Variants in TRPC6 observed in about 807,000 individuals in gnomAD.
The protein encoded by TRPC6 is transient receptor potential cation channel subfamily C member 6.
Under a neutral mutation model 90.7 loss-of-function variants are expected in TRPC6, and 55 were observed. That is an observed-to-expected ratio of 0.61 (90% CI 0.49 to 0.76). The LOEUF is 0.76. Ranked by LOEUF, TRPC6 falls within the 30% of genes least tolerant of loss-of-function variation. TRPC6 has a pLI of 0.00. For synonymous variants in TRPC6, 393 were observed against 393.0 expected, an observed-to-expected ratio of 1.00 and a Z score of 0.00; for missense variants, 989 against 1,122.7, an observed-to-expected ratio of 0.88 and a Z score of 1.70.
At chr11:101,529,432 G>A (rs541937294) in intron 1 of TRPC6, among the ~76,000 whole-genome samples, 3 of 152,318 alleles carry the variant, frequency 2.0e-5, no homozygotes, top group South Asian at 4.1e-4. Context: ...ATAAAAGCAC[G>A]AGCGTGCACT....
At chr11:101,580,489 T>C (rs1862170769) in intron 1 of TRPC6, among the ~76,000 whole-genome samples, 2 of 152,162 alleles carry the variant, frequency 1.3e-5, no homozygotes, top group Admixed American at 6.5e-5. Flanking sequence ...TATTTAACTA[T>C]TAAGGCCTTA....
chr11:101,466,768 C>G (rs1859155436), intron 10 of TRPC6, among the ~76,000 whole-genome samples: 1 of 152,050 alleles, frequency 6.6e-6, no homozygotes, highest in African/African-American at 2.4e-5. Context: ...AAAAAACAAA[C>G]AAACAAAAAA....
chr11:101,490,399 T>C (rs1006808086), intron 3 of TRPC6, among the ~76,000 whole-genome samples: 2 of 152,196 alleles, frequency 1.3e-5, no homozygotes, highest in Non-Finnish European at 2.9e-5. Flanking sequence ...AAACTTACCA[T>C]AAACATATAT....
chr11:101,531,038 T>C (rs1473231642), intron 1 of TRPC6, among the ~76,000 whole-genome samples: 3 of 152,160 alleles, frequency 2.0e-5, no homozygotes, highest in African/African-American at 7.2e-5. Flanking sequence ...TAATACTGTA[T>C]TGTTGACTTG....
intron 2 of TRPC6, among the ~76,000 whole-genome samples, chr11:101,500,210 C>CTTTTTTTTTTTTTTTTTTTT (rs373591780): frequency 1.5e-5 from 2 of 137,710 alleles, no homozygotes; most frequent in Admixed American, 7.3e-5. Context: ...TATTTTTTTT[C>CTTTTTTTTTTTTTTTTTTTT]TTTCTTTTTT....
At chr11:101,566,582 G>T (rs1322280863) in intron 1 of TRPC6, among the ~76,000 whole-genome samples, 1 of 152,092 alleles carries the variant, frequency 6.6e-6, no homozygotes, top group Non-Finnish European at 1.5e-5. Flanking sequence ...TACTCATCAA[G>T]GTTGCTGGCA....
In TRPC6 at chr11:101,520,990, A is replaced by G. The variant is rs114537119; in HGVS notation, c.171-16192T>C. ...CTTATATTTAAAAGGGAGGCAGAGC[A>G]TAAAACTTTGGAAAATTTGCAGCCT... On this transcript the variant is annotated intron_variant, in intron 1 of 12. Coordinates refer to ENST00000344327, the MANE Select transcript of TRPC6 (RefSeq NM_004621.6). Among the ~76,000 whole-genome samples, 1,031 of 152,360 alleles carry G rather than the reference A, an allele frequency of 6.8e-3. 10 individuals are homozygous for G. The highest frequency in any genetic ancestry group is 0.023 in the African/African-American group (975 of 41,580).
chr11:101,490,917 G>A (rs1265560561), intron 3 of TRPC6, among the ~76,000 whole-genome samples: 2 of 152,114 alleles, frequency 1.3e-5, no homozygotes, highest in Non-Finnish European at 2.9e-5. Context: ...GCAACAAATG[G>A]GAAAATGGAG....
chr11:101,491,247 C>T (rs1859798360), intron 3 of TRPC6: 1 of 305,300 alleles, frequency 3.3e-6, no homozygotes, highest in Admixed American at 4.4e-5. Context: ...GAGATAGAGA[C>T]CACGGTGAAA....
rs78629399 is a variant in TRPC6 at position 101,487,059 on chromosome 11, A to T, written c.1293+1878T>A. On this transcript the variant is annotated intron_variant, in intron 4 of 12. Coordinates refer to ENST00000344327, the MANE Select transcript of TRPC6 (RefSeq NM_004621.6). ...GCCAGGGAAGAAGAAATAGTAAAGG[A>T]AATCAGTTTAATTAGAATTCAATCA... Among the ~76,000 whole-genome samples the T allele has an allele frequency of 9.5e-4, 145 of 152,314 alleles. No individual in the cohort carries two copies. In the East Asian group the frequency reaches 0.015, roughly 16 times the overall value.
chr11:101,580,028 A>G (rs1862159717), intron 1 of TRPC6, among the ~76,000 whole-genome samples: 1 of 152,162 alleles, frequency 6.6e-6, no homozygotes, highest in African/African-American at 2.4e-5. Flanking sequence ...AAAATCATTT[A>G]AAATCTTTTA....
chr11:101,544,770 C>G (rs931035594), intron 1 of TRPC6, among the ~76,000 whole-genome samples: 1 of 151,988 alleles, frequency 6.6e-6, no homozygotes, highest in Non-Finnish European at 1.5e-5. Context: ...AGGAGAAATA[C>G]CTAATGTAGA....
intron 1 of TRPC6, among the ~76,000 whole-genome samples, chr11:101,530,091 C>T (rs544114291): frequency 2.0e-5 from 3 of 152,310 alleles, no homozygotes; most frequent in African/African-American, 4.8e-5. Flanking sequence ...TCAGCTCTAG[C>T]CCCTCATCTA....
At chr11:101,484,915 A>G (rs1859640799) in intron 4 of TRPC6, among the ~76,000 whole-genome samples, 1 of 152,138 alleles carries the variant, frequency 6.6e-6, no homozygotes, top group Non-Finnish European at 1.5e-5. Flanking sequence ...TACGTATAAC[A>G]TATAGTGATT....
intron 1 of TRPC6, among the ~76,000 whole-genome samples, chr11:101,552,696 A>C (rs1354117689): frequency 1.3e-5 from 2 of 152,118 alleles, no homozygotes; most frequent in Non-Finnish European, 2.9e-5. Context: ...CATCTAATTA[A>C]GATGATAAAT....
intron 4 of TRPC6, among the ~76,000 whole-genome samples, chr11:101,485,756 A>G (rs1859665732): frequency 6.6e-6 from 1 of 152,176 alleles, no homozygotes; most frequent in South Asian, 2.1e-4. Context: ...AACCAAATAA[A>G]TAACATAAAT....
chr11:101,545,872 T>C (rs1228566998), intron 1 of TRPC6, among the ~76,000 whole-genome samples: 3 of 152,028 alleles, frequency 2.0e-5, no homozygotes, highest in African/African-American at 7.3e-5. Context: ...TATTTACACG[T>C]GTAGCATTTC....
At chr11:101,489,561 T>C (rs1591081083) in intron 3 of TRPC6, among the ~76,000 whole-genome samples, 2 of 152,146 alleles carry the variant, frequency 1.3e-5, no homozygotes, top group East Asian at 3.8e-4. Context: ...CTGGACTGCC[T>C]GTTTTATTCT....
intron 5 of TRPC6, among the ~76,000 whole-genome samples, chr11:101,481,862 C>T (rs1859559870): frequency 6.6e-6 from 1 of 152,186 alleles, no homozygotes; most frequent in South Asian, 2.1e-4. Flanking sequence ...CCCTTATCTC[C>T]CATCACTCGC....
Sources: gnomAD v4.1 joint callset for allele counts (sites outside exome capture counted in the v4.1 genomes callset) on GRCh38, gnomAD v4.1.1 for gene constraint, MANE v1.5 for transcripts, NCBI Gene and HGNC (gene_info 2026-07-23, HGNC 2026-07-21) for gene names.